FGF10: variants seen among roughly 807,000 people sequenced by gnomAD.
FGF10 encodes fibroblast growth factor 10, also known as FGF-10.
Under a neutral mutation model 19.8 loss-of-function variants are expected in FGF10, and 2 were observed. The ratio of observed to expected loss-of-function variants is 0.10; its 90% CI spans 0.04 to 0.32. The LOEUF is 0.32. Among genes scored for constraint, FGF10 ranks in the 10% least tolerant of loss-of-function variants. FGF10 has a pLI of 1.00. For missense variants in FGF10, 191 were observed against 246.3 expected, an observed-to-expected ratio of 0.78 and a Z score of 1.50; for synonymous variants, 112 against 94.0, an observed-to-expected ratio of 1.19 and a Z score of -1.10.
intron 1 of FGF10, among the ~76,000 whole-genome samples, chr5:44,352,259 G>A (rs1266998535): frequency 6.6e-6 from 1 of 151,568 alleles, no homozygotes; most frequent in Non-Finnish European, 1.5e-5. Context: ...CTTGTGCTCT[G>A]ACAGTAGATT....
In FGF10 at chr5:44,388,471, T is replaced by C. The variant is rs541818263; in HGVS notation, c.212A>G (p.Asn71Ser). 15 of 1,614,052 alleles carry C rather than the reference T, an allele frequency of 9.3e-6. No individual in the cohort carries two copies. The African/African-American group carries it at 1.6e-4, about 17-fold the overall frequency. ...CCAGCGGACATCTCCTTGAAGGTGA[T>C]TGTAGCTCCGCACATGCCTTCCCGC... ...SSAGRHVRSY[N>S]HLQGDVRWRK... The change falls in exon 1 of 3, where the codon AAT becomes AGT. Residue 71 changes from asparagine to serine, a missense_variant. Around this residue, in one of 2 missense-constraint regions of FGF10, gnomAD observed 92 missense variants for 84.6 expected, o/e 1.09. Coordinates refer to ENST00000264664, the MANE Select transcript of FGF10 (RefSeq NM_004465.2).
intron 1 of FGF10, among the ~76,000 whole-genome samples, chr5:44,322,135 A>G (rs889244592): frequency 2.0e-5 from 3 of 152,136 alleles, no homozygotes; most frequent in Non-Finnish European, 4.4e-5. Flanking sequence ...TTGAGTTATG[A>G]GAACTACTCC....
At chr5:44,378,817 G>A (rs1214828038) in intron 1 of FGF10, among the ~76,000 whole-genome samples, 4 of 152,072 alleles carry the variant, frequency 2.6e-5, no homozygotes, top group African/African-American at 4.8e-5. Flanking sequence ...CCACTTCATC[G>A]AATAATATAA....
chr5:44,371,571 C>T (rs1465850018), intron 1 of FGF10, among the ~76,000 whole-genome samples: 13 of 152,106 alleles, frequency 8.5e-5, no homozygotes, highest in Non-Finnish European at 2.9e-5. Flanking sequence ...TAATGGAAAC[C>T]CTTTAATCAA....
Position 44,316,336 on chromosome 5 carries a change from T to A in FGF10, c.326-5806A>T, listed in dbSNP as rs17228032. 3.6e-3 allele frequency among the ~76,000 whole-genome samples: 539 copies of A among 151,806 alleles called. 4 individuals carry two copies. The highest frequency in any genetic ancestry group is 5.6e-3 in the Non-Finnish European group (379 of 67,916). On this transcript the variant is annotated intron_variant, in intron 1 of 2. Transcript: ENST00000264664. ...TAGGGTTGCAAAGAATCTCAGAGAG[T>A]GGGTGCTAAATATATATTTACTGTG...
At chr5:44,325,095 A>G (rs1051251499) in intron 1 of FGF10, among the ~76,000 whole-genome samples, 7 of 152,218 alleles carry the variant, frequency 4.6e-5, no homozygotes, top group African/African-American at 1.7e-4. Context: ...GAGCAGACAC[A>G]AAAGAAGGCA....
At chr5:44,349,940 T>C (rs145970941) in intron 1 of FGF10, among the ~76,000 whole-genome samples, 9 of 151,372 alleles carry the variant, frequency 5.9e-5, no homozygotes, top group African/African-American at 2.2e-4. Flanking sequence ...TCTATTTTTC[T>C]AGAATATATT....
intron 1 of FGF10, among the ~76,000 whole-genome samples, chr5:44,353,709 C>T (rs934573217): frequency 2.6e-5 from 4 of 151,358 alleles, no homozygotes; most frequent in African/African-American, 9.7e-5. Flanking sequence ...AGAAGTTCCA[C>T]CATCTCTCCC....
intron 1 of FGF10, among the ~76,000 whole-genome samples, chr5:44,317,205 T>A (rs1473703188): frequency 1.3e-5 from 2 of 152,222 alleles, no homozygotes; most frequent in Admixed American, 1.3e-4. Flanking sequence ...ATTTAGTTTC[T>A]CTATCTTCCA....
At chr5:44,376,371 A>T (rs1021195720) in intron 1 of FGF10, among the ~76,000 whole-genome samples, 2 of 151,520 alleles carry the variant, frequency 1.3e-5, no homozygotes, top group Non-Finnish European at 2.9e-5. Flanking sequence ...TGTTTCTCCT[A>T]GTTTGTTTAA....
At chr5:44,381,971 A>G (rs1217927803) in intron 1 of FGF10, among the ~76,000 whole-genome samples, 1 of 152,178 alleles carries the variant, frequency 6.6e-6, no homozygotes, top group Non-Finnish European at 1.5e-5. Context: ...TAAGAGCTCA[A>G]TGACATCATT....
chr5:44,375,268 C>A (rs1270062625), intron 1 of FGF10, among the ~76,000 whole-genome samples: 1 of 152,108 alleles, frequency 6.6e-6, no homozygotes, highest in Admixed American at 6.5e-5. Flanking sequence ...GGTAAACAGT[C>A]AACTAATCAA....
chr5:44,353,221 T>C (rs141633358), intron 1 of FGF10, among the ~76,000 whole-genome samples: 1 of 151,766 alleles, frequency 6.6e-6, no homozygotes, highest in Admixed American at 6.6e-5. Context: ...TCAATATCCA[T>C]GTAAGAATCC....
chr5:44,388,293 T>G, intron 1 of FGF10, 65 bp downstream of exon 1: 17 of 1,488,322 alleles, frequency 1.1e-5, no homozygotes, highest in Non-Finnish European at 1.6e-5. Flanking sequence ...TGGAACAGAT[T>G]TTTCCCCCCC....
At chr5:44,339,925 ACTTT>A (rs1472299328) in intron 1 of FGF10, among the ~76,000 whole-genome samples, 2 of 152,118 alleles carry the variant, frequency 1.3e-5, no homozygotes, top group African/African-American at 2.4e-5. Flanking sequence ...CTTGAGTTGA[ACTTT>A]CTTTCTCCAC....
At chr5:44,310,305 A>T in intron 2 of FGF10, 122 bp downstream of exon 2, 1 of 700,916 alleles carries the variant, frequency 1.4e-6, no homozygotes. Flanking sequence ...TGACTAACCC[A>T]CTGTGGCTCT....
At chr5:44,325,316 A>C (rs982774925) in intron 1 of FGF10, among the ~76,000 whole-genome samples, 5 of 152,006 alleles carry the variant, frequency 3.3e-5, no homozygotes, top group Non-Finnish European at 5.9e-5. Flanking sequence ...CCATTGTGGA[A>C]GTCAGTGTGG....
rs553840072 is a variant in FGF10, at chr5:44,354,178, T to C, written c.325+34180A>G. Among the ~76,000 whole-genome samples, 241 of 151,390 alleles carry C rather than the reference T, an allele frequency of 1.6e-3. 1 individual carries two copies. Among genetic ancestry groups the C allele is most frequent in the Non-Finnish European group, 2.6e-3 (178 of 67,568 alleles). ...GAATATACTAGATCCTTAAGTTGCA[T>C]CTCTAGTAACACCTTTGTAAGTAAA... On this transcript the variant is annotated intron_variant, in intron 1 of 2. Coordinates refer to ENST00000264664, the MANE Select transcript of FGF10 (RefSeq NM_004465.2).
intron 1 of FGF10, among the ~76,000 whole-genome samples, chr5:44,334,724 C>T (rs1740808151): frequency 6.6e-6 from 1 of 152,004 alleles, no homozygotes; most frequent in Non-Finnish European, 1.5e-5. Context: ...TTCACTAGCT[C>T]TAAAAAAATG....
Sources: gnomAD v4.1 joint callset for allele counts (sites outside exome capture counted in the v4.1 genomes callset) on GRCh38, gnomAD v4.1.1 for gene constraint, gnomAD v4.1.1 regional missense constraint, MANE v1.5 for transcripts, NCBI Gene and HGNC (gene_info 2026-07-23, HGNC 2026-07-21) for gene names.